Variants in RABL6 observed in about 807,000 individuals in gnomAD.
RABL6 encodes the protein RAB, member RAS oncogene family like 6, also known as rab-like protein 6.
Under a neutral mutation model 72.9 loss-of-function variants are expected in RABL6, and 28 were observed. That is an observed-to-expected ratio of 0.38 (90% CI 0.28 to 0.53). The LOEUF (loss-of-function observed/expected upper bound fraction) is 0.53, where lower values mean the gene tolerates loss of function less well. Among genes scored for constraint, RABL6 ranks in the 20% least tolerant of loss-of-function variants. RABL6 has a pLI of 0.80. For synonymous variants in RABL6, 477 were observed against 421.2 expected, an observed-to-expected ratio of 1.13 and a Z score of -1.62; for missense variants, 1,029 against 1,008.4, an observed-to-expected ratio of 1.02 and a Z score of -0.28.
chr9:136,813,693 G>A, intron 1 of RABL6: 1 of 206,402 alleles, frequency 4.8e-6, no homozygotes, highest in Non-Finnish European at 9.8e-6. Context: ...TCAGCTCACT[G>A]CAAGCTCCAC....
chr9:136,830,309 G>C (rs981265684), intron 5 of RABL6, among the ~76,000 whole-genome samples: 2 of 152,242 alleles, frequency 1.3e-5, no homozygotes, highest in African/African-American at 2.4e-5. Flanking sequence ...CCAGGCCTGA[G>C]GGCGGCTTGA....
intron 8 of RABL6, 106 bp from the exon 9 acceptor site, chr9:136,837,238 CAG>C (rs1380293612): frequency 2.1e-5 from 27 of 1,281,140 alleles, no homozygotes; most frequent in Admixed American, 2.0e-4. Context: ...GCCCAGAACA[CAG>C]TGGCTCTTCC....
intron 1 of RABL6, among the ~76,000 whole-genome samples, chr9:136,823,259 T>A (rs1467752969): frequency 7.0e-6 from 1 of 143,354 alleles, no homozygotes; most frequent in African/African-American, 2.9e-5. Context: ...GTAGAAAGCC[T>A]GACCTGGCTC....
intron 2 of RABL6, among the ~76,000 whole-genome samples, chr9:136,823,989 C>G (rs11788005): frequency 6.6e-6 from 1 of 152,220 alleles, no homozygotes; most frequent in African/African-American, 2.4e-5. Flanking sequence ...TCTTGGTGCA[C>G]ATGGTATTTT....
At chr9:136,819,204 C>G (rs962948871) in intron 1 of RABL6, among the ~76,000 whole-genome samples, 3 of 151,862 alleles carry the variant, frequency 2.0e-5, no homozygotes, top group African/African-American at 7.3e-5. Flanking sequence ...CGCCTGTAGT[C>G]CCAGCTACTC....
At chr9:136,821,574 C>A in intron 1 of RABL6, 1 of 985,366 alleles carries the variant, frequency 1.0e-6, no homozygotes, top group Non-Finnish European at 1.2e-6. Flanking sequence ...GGACGGCGGC[C>A]GCCCGACTGA....
intron 5 of RABL6, among the ~76,000 whole-genome samples, chr9:136,830,776 G>A (rs983406677): frequency 2.0e-5 from 3 of 152,252 alleles, no homozygotes; most frequent in Admixed American, 6.5e-5. Context: ...CTGAGAAGAC[G>A]CGGCAAAGGC....
intron 7 of RABL6, chr9:136,833,084 G>C (rs1402834308): frequency 3.3e-6 from 1 of 307,176 alleles, no homozygotes; most frequent in East Asian, 1.1e-4. Flanking sequence ...CCTCGCCCTG[G>C]GCTGCCCCGC....
chr9:136,832,169 G>C, intron 6 of RABL6, 96 bp from the exon 7 acceptor site: 1 of 1,171,210 alleles, frequency 8.5e-7, no homozygotes, highest in South Asian at 1.3e-5. Context: ...CAGGAGGAGG[G>C]AGGGCAGTGC....
intron 1 of RABL6, among the ~76,000 whole-genome samples, chr9:136,823,032 G>A (rs1452126224): frequency 3.3e-5 from 5 of 150,482 alleles, no homozygotes; most frequent in African/African-American, 1.2e-4. Context: ...AGCTTGCAGT[G>A]AGCCGAGATA....
chr9:136,813,464 A>C, intron 1 of RABL6: 10 of 536,810 alleles, frequency 1.9e-5, no homozygotes, highest in Non-Finnish European at 3.4e-5. Context: ...TCTCTCCATG[A>C]TAGTGCAGGG....
chr9:136,816,426 G>C (rs1182882381), intron 1 of RABL6, among the ~76,000 whole-genome samples: 1 of 150,898 alleles, frequency 6.6e-6, no homozygotes, highest in Non-Finnish European at 1.5e-5. Flanking sequence ...CTTAAAAGTA[G>C]AGGTTAAGTT....
At chr9:136,814,490 A>G (rs1848076879) in intron 1 of RABL6, 1 of 147,200 alleles carries the variant, frequency 6.8e-6, no homozygotes, top group Admixed American at 6.8e-5. Flanking sequence ...CATGGATACT[A>G]GTTTTTAACT....
chr9:136,822,752 G>C (rs1848266241), intron 1 of RABL6, among the ~76,000 whole-genome samples: 1 of 152,222 alleles, frequency 6.6e-6, no homozygotes, highest in Non-Finnish European at 1.5e-5. Flanking sequence ...CACACGCGTT[G>C]TGCGTGAGCT....
intron 1 of RABL6, among the ~76,000 whole-genome samples, chr9:136,820,898 T>C: frequency 6.6e-6 from 1 of 152,172 alleles, no homozygotes; most frequent in East Asian, 1.9e-4. Context: ...ATGGATCAAC[T>C]CCGTGCATCC....
chr9:136,837,037 C>G, intron 8 of RABL6: 1 of 484,116 alleles, frequency 2.1e-6, no homozygotes, highest in South Asian at 2.0e-5. Flanking sequence ...CCACACCCGG[C>G]TAATTTTTTT....
intron 8 of RABL6, 65 bp from the exon 9 acceptor site, chr9:136,837,281 T>C (rs1416426646): frequency 2.0e-6 from 3 of 1,497,042 alleles, no homozygotes; most frequent in East Asian, 2.4e-5. Flanking sequence ...GAGAGCCCCC[T>C]GTCACCTGAG....
Position 136,839,503 on chromosome 9 carries a change from C to CG in RABL6, c.1758+21dup. ...CGCAGGGCGGTAAGACGAGTCCTCC[C>CG]GGGGCAGAGGTCAGCCAGGTGGCCA... On this transcript the variant is annotated intron_variant, in intron 12 of 14. Coordinates refer to ENST00000311502, the MANE Select transcript of RABL6 (RefSeq NM_024718.5). 1.3e-6 allele frequency: 2 copies of CG among 1,599,352 alleles called. No individual in the cohort carries two copies. The highest frequency in any genetic ancestry group is 1.7e-6 in the Non-Finnish European group (2 of 1,170,906).
At chr9:136,816,983 T>C (rs1274783983) in intron 1 of RABL6, among the ~76,000 whole-genome samples, 7 of 152,148 alleles carry the variant, frequency 4.6e-5, no homozygotes, top group Admixed American at 4.6e-4. Context: ...AAGGAAGCAA[T>C]CTTAAGACTA....
Sources: allele counts gnomAD v4.1 joint callset (sites outside exome capture counted in the v4.1 genomes callset), GRCh38; gene constraint gnomAD v4.1.1; transcripts MANE v1.5; gene names NCBI Gene and HGNC (gene_info 2026-07-23, HGNC 2026-07-21).